Variants in SYN3 observed in about 807,000 individuals in gnomAD.
SYN3 encodes synapsin III, also known as synapsin-3.
Under a neutral mutation model 65.8 loss-of-function variants are expected in SYN3, and 35 were observed. The ratio of observed to expected loss-of-function variants is 0.53; its 90% CI spans 0.41 to 0.70. The LOEUF (loss-of-function observed/expected upper bound fraction) is 0.70. Among genes scored for constraint, SYN3 ranks in the 30% least tolerant of loss-of-function variants. SYN3 has a pLI of 0.00. For missense variants in SYN3, 680 were observed against 749.0 expected, an observed-to-expected ratio of 0.91 and a Z score of 1.08; for synonymous variants, 270 against 292.9, an observed-to-expected ratio of 0.92 and a Z score of 0.80.
In SYN3 at chr22:32,702,249, G is replaced by A. The variant is rs527588650; in HGVS notation, c.712-105513C>T. 4.7e-4 allele frequency among the ~76,000 whole-genome samples: 72 copies of A among 152,162 alleles called. 2 individuals carry two copies. In the East Asian group the frequency reaches 0.01, roughly 22 times the overall value. On this transcript the variant is annotated intron_variant, in intron 6 of 13. Transcript: ENST00000358763. ...TCCCAGCACTTTGGGAGGCTGAGGCGGGTGGATCACGAGGTCAGGAGATCG... is the reference window on the plus strand; with the variant it reads ...TCCCAGCACTTTGGGAGGCTGAGGCAGGTGGATCACGAGGTCAGGAGATCG...
intron 3 of SYN3, among the ~76,000 whole-genome samples, chr22:32,977,441 A>G (rs1437076129): frequency 6.6e-6 from 1 of 152,214 alleles, no homozygotes; most frequent in Non-Finnish European, 1.5e-5. Flanking sequence ...TGGAAAACCC[A>G]GATTTTTGAG....
At chr22:32,824,380 C>A (rs1183806193) in intron 6 of SYN3, among the ~76,000 whole-genome samples, 1 of 151,322 alleles carries the variant, frequency 6.6e-6, no homozygotes, top group Non-Finnish European at 1.5e-5. Context: ...TTGTCAAGTA[C>A]CCTCAGGTTG....
At chr22:32,826,036 T>A (rs2047401478) in intron 6 of SYN3, among the ~76,000 whole-genome samples, 1 of 152,072 alleles carries the variant, frequency 6.6e-6, no homozygotes, top group Admixed American at 6.6e-5. Flanking sequence ...ACAGTGGGAG[T>A]TTAGGTCATT....
chr22:33,015,242 A>AAAT (rs56343315), intron 1 of SYN3: 11,170 of 215,464 alleles, frequency 0.052, 1,035 homozygotes, highest in Middle Eastern at 0.089. Context: ...AAAAAAAAAA[A>AAAT]CTACTGTATC....
At chr22:32,973,038 C>CAA (rs769599997) in intron 3 of SYN3, among the ~76,000 whole-genome samples, 1 of 151,978 alleles carries the variant, frequency 6.6e-6, no homozygotes, top group Non-Finnish European at 1.5e-5. Context: ...ACAACAGCAA[C>CAA]AACAAAAAAG....
intron 7 of SYN3, among the ~76,000 whole-genome samples, chr22:32,566,279 C>A (rs1383279138): frequency 6.6e-6 from 1 of 152,100 alleles, no homozygotes; most frequent in African/African-American, 2.4e-5. Context: ...TTATACTCAG[C>A]CTATCTCAAT....
intron 6 of SYN3, among the ~76,000 whole-genome samples, chr22:32,610,445 T>A (rs1292020955): frequency 6.6e-6 from 1 of 152,228 alleles, no homozygotes; most frequent in African/African-American, 2.4e-5. Flanking sequence ...CCTTCCAGCC[T>A]CTGATGACCA....
intron 4 of SYN3, among the ~76,000 whole-genome samples, chr22:32,909,846 T>C (rs1347094240): frequency 6.6e-6 from 1 of 152,202 alleles, no homozygotes; most frequent in Non-Finnish European, 1.5e-5. Context: ...TGTGAAGCAG[T>C]GCAGTTCCCG....
intron 12 of SYN3, among the ~76,000 whole-genome samples, chr22:32,521,409 C>T (rs1359194563): frequency 6.7e-6 from 1 of 149,238 alleles, no homozygotes; most frequent in Non-Finnish European, 1.5e-5. Flanking sequence ...TCAAGAGATG[C>T]TGGAAATCTA....
chr22:32,688,808 G>A (rs1159042944), intron 6 of SYN3, among the ~76,000 whole-genome samples: 2 of 151,982 alleles, frequency 1.3e-5, no homozygotes, highest in Admixed American at 6.6e-5. Context: ...TGTGTTTTTC[G>A]GTGCTGGTGG....
rs1018447443 is a variant in SYN3 at position 32,578,351 on chromosome 22, A to G, written c.774+18323T>C. 2.0e-5 allele frequency among the ~76,000 whole-genome samples: 3 copies of G among 151,958 alleles called. No individual in the cohort carries two copies. In the East Asian group the frequency reaches 5.8e-4, roughly 29 times the overall value. On this transcript the variant is annotated intron_variant, in intron 7 of 13. Transcript: ENST00000358763. ...AGCCTCAATCTCCCATATTCAGGTGATCCTCCCACCTCAGCCTCCCAGGTA... is the reference window on the plus strand; with the variant it reads ...AGCCTCAATCTCCCATATTCAGGTGGTCCTCCCACCTCAGCCTCCCAGGTA...
chr22:32,902,864 C>A (rs2049799252), intron 4 of SYN3, among the ~76,000 whole-genome samples: 1 of 123,976 alleles, frequency 8.1e-6, no homozygotes, highest in Non-Finnish European at 1.7e-5. Flanking sequence ...AGCATAACCC[C>A]TGGAGACAAA....
intron 1 of SYN3, among the ~76,000 whole-genome samples, chr22:33,050,662 C>T (rs988786697): frequency 1.3e-5 from 2 of 152,158 alleles, no homozygotes; most frequent in African/African-American, 4.8e-5. Context: ...ACTTCTAGTA[C>T]AGAAACAGCA....
At position 32,520,504 on chromosome 22, in the gene SYN3, G is replaced by A. The variant is rs370103740; in HGVS notation, c.1319-2170C>T. Among the ~76,000 whole-genome samples, 107 of 152,108 alleles carry A rather than the reference G, an allele frequency of 7.0e-4. 3 individuals are homozygous for A. Among genetic ancestry groups the A allele is most frequent in the South Asian group, 5.4e-3 (26 of 4,798 alleles). ...GCTTAAGATGTCACTACGAATAAGG[G>A]GACACGCCGAGATTCAAACCTAGAT... On this transcript the variant is annotated intron_variant, in intron 12 of 13. Coordinates refer to ENST00000358763, the MANE Select transcript of SYN3 (RefSeq NM_003490.4).
intron 7 of SYN3, among the ~76,000 whole-genome samples, chr22:32,575,710 C>T (rs2058841172): frequency 6.6e-6 from 1 of 152,180 alleles, no homozygotes; most frequent in Non-Finnish European, 1.5e-5. Context: ...CTGTTCCAGG[C>T]TCTCGGAGAG....
chr22:33,043,822 A>G (rs186244087), intron 1 of SYN3, among the ~76,000 whole-genome samples: 23 of 152,296 alleles, frequency 1.5e-4, no homozygotes, highest in African/African-American at 5.5e-4. Flanking sequence ...TGGGAGGCCG[A>G]GGCAGGCAGA....
intron 10 of SYN3, among the ~76,000 whole-genome samples, chr22:32,529,478 A>G (rs2146144609): frequency 6.6e-6 from 1 of 152,282 alleles, no homozygotes. Context: ...CAGAGGAAAG[A>G]GGGAAGAGGA....
At chr22:32,698,468 T>C (rs2060767735) in intron 6 of SYN3, among the ~76,000 whole-genome samples, 1 of 152,222 alleles carries the variant, frequency 6.6e-6, no homozygotes, top group African/African-American at 2.4e-5. Context: ...CACAGAACAA[T>C]TCATCCTTGC....
intron 3 of SYN3, among the ~76,000 whole-genome samples, chr22:32,975,567 C>T (rs2052160704): frequency 1.3e-5 from 2 of 152,110 alleles, no homozygotes; most frequent in South Asian, 4.1e-4. Context: ...GCTGGGATTA[C>T]AGGCGTGAGC....
Sources: gnomAD v4.1 joint callset for allele counts (sites outside exome capture counted in the v4.1 genomes callset) on GRCh38, gnomAD v4.1.1 for gene constraint, MANE v1.5 for transcripts, NCBI Gene and HGNC (gene_info 2026-07-23, HGNC 2026-07-21) for gene names.